The following TMEM132C variants were observed in gnomAD, a reference collection of about 807,000 sequenced individuals.
TMEM132C encodes transmembrane protein 132C.
TMEM132C carries 29 observed loss-of-function variants against 61.4 expected under a neutral mutation model. The ratio of observed to expected loss-of-function variants is 0.47; its 90% confidence interval spans 0.35 to 0.64. TMEM132C has a LOEUF of 0.64. Among genes scored for constraint, TMEM132C ranks in the 30% least tolerant of loss-of-function variants. The pLI is 0.00. For missense variants in TMEM132C, 1,408 were observed against 1,476.9 expected, an observed-to-expected ratio of 0.95 and a Z score of 0.76; for synonymous variants, 656 against 633.1, an observed-to-expected ratio of 1.04 and a Z score of -0.54.
chr12:128,686,105 T>TTGTGTGC (rs369910681), intron 5 of TMEM132C, among the ~76,000 whole-genome samples: 5,527 of 122,510 alleles, frequency 0.045, 360 homozygotes, highest in African/African-American at 0.13. Context: ...CGCATGTGTG[T>TTGTGTGC]GCATGTGTGT....
At chr12:128,291,627 G>A (rs1398646622) in intron 1 of TMEM132C, among the ~76,000 whole-genome samples, 2 of 152,196 alleles carry the variant, frequency 1.3e-5, no homozygotes, top group African/African-American at 4.8e-5. Flanking sequence ...TCAGGGATAT[G>A]CCCTGGAGCA....
intron 5 of TMEM132C, among the ~76,000 whole-genome samples, chr12:128,681,817 A>ATTTTTT (rs35154554): frequency 1.9e-4 from 16 of 86,440 alleles, no homozygotes; most frequent in African/African-American, 2.4e-4. Flanking sequence ...CCACGCCTGG[A>ATTTTTT]TTTTTTTTTT....
chr12:128,376,965 T>G (rs1874211750), intron 1 of TMEM132C, among the ~76,000 whole-genome samples: 1 of 152,182 alleles, frequency 6.6e-6, no homozygotes, highest in African/African-American at 2.4e-5. Context: ...ATCTCTCTGA[T>G]GCTGGAGGGA....
chr12:128,538,546 A>G (rs1244546367), intron 2 of TMEM132C, among the ~76,000 whole-genome samples: 1 of 152,138 alleles, frequency 6.6e-6, no homozygotes, highest in African/African-American at 2.4e-5. Context: ...GAGCCACCAA[A>G]CCCAGCCACA....
At chr12:128,411,569 T>C (rs1303155947) in intron 1 of TMEM132C, among the ~76,000 whole-genome samples, 1 of 152,180 alleles carries the variant, frequency 6.6e-6, no homozygotes, top group Non-Finnish European at 1.5e-5. Context: ...CCCTTCCTCT[T>C]TTCTGACACA....
Position 128,526,150 on chromosome 12 carries a change from T to C in TMEM132C, c.975-17807T>C, listed in dbSNP as rs921147369. 2.6e-5 allele frequency among the ~76,000 whole-genome samples: 4 copies of C among 152,178 alleles called. No individual in the cohort carries two copies. In the East Asian group the frequency reaches 5.8e-4, roughly 22 times the overall value. Reference sequence around the variant, plus strand: ...TGAGTGTGTGCCATGTGCCAGGAGCTCTTCTAGATGCCAGAAATATTGCAA... The same window carrying C: ...TGAGTGTGTGCCATGTGCCAGGAGCCCTTCTAGATGCCAGAAATATTGCAA... On this transcript the variant is annotated intron_variant, in intron 2 of 8. Transcript: ENST00000435159.
intron 2 of TMEM132C, among the ~76,000 whole-genome samples, chr12:128,536,846 C>T (rs1873552331): frequency 6.6e-6 from 1 of 152,096 alleles, no homozygotes; most frequent in East Asian, 1.9e-4. Flanking sequence ...GAGGTTCATA[C>T]ATTTGGAAAG....
At chr12:128,409,695 G>A (rs529668080) in intron 1 of TMEM132C, among the ~76,000 whole-genome samples, 45 of 152,278 alleles carry the variant, frequency 3.0e-4, no homozygotes, top group African/African-American at 1.1e-3. Flanking sequence ...AACAGATGCA[G>A]AGCCCAGAGG....
At chr12:128,445,083 T>C (rs1323997653) in intron 2 of TMEM132C, among the ~76,000 whole-genome samples, 2 of 152,018 alleles carry the variant, frequency 1.3e-5, no homozygotes, top group Non-Finnish European at 1.5e-5. Flanking sequence ...AAAAGCCTCA[T>C]ACAAAATTCT....
At chr12:128,296,430 G>A (rs368537505) in intron 1 of TMEM132C, among the ~76,000 whole-genome samples, 2 of 152,282 alleles carry the variant, frequency 1.3e-5, no homozygotes, top group African/African-American at 4.8e-5. Context: ...TTGTTCTCAT[G>A]GTCACAGGAG....
chr12:128,307,471 G>A (rs558342860), intron 1 of TMEM132C, among the ~76,000 whole-genome samples: 80 of 151,634 alleles, frequency 5.3e-4, no homozygotes, highest in East Asian at 1.9e-3. Flanking sequence ...TTAAGGACCC[G>A]TATTTTAATA....
chr12:128,665,638 CA>C (rs1954454428), intron 4 of TMEM132C, among the ~76,000 whole-genome samples: 8 of 149,194 alleles, frequency 5.4e-5, no homozygotes, highest in African/African-American at 2.0e-4. Context: ...CACACACACA[CA>C]CACACCCAGG....
At chr12:128,307,134 C>G (rs1467315917) in intron 1 of TMEM132C, among the ~76,000 whole-genome samples, 1 of 152,120 alleles carries the variant, frequency 6.6e-6, no homozygotes, top group African/African-American at 2.4e-5. Flanking sequence ...GGTTCACACA[C>G]CCACCCTTGG....
rs1872508223 is a variant in TMEM132C, at chr12:128,326,154, T to C, written c.85+58667T>C. Among the ~76,000 whole-genome samples, 1 of 152,168 alleles carries C rather than the reference T, an allele frequency of 6.6e-6. No individual in the cohort carries two copies. The highest frequency in any genetic ancestry group is 1.5e-5 in the Non-Finnish European group (1 of 68,036). ...TGAATAAATACCATTTGTCACATTT[T>C]ATTGTTTTTATGAGGGTGAGGGAAC... On this transcript the variant is annotated intron_variant, in intron 1 of 8. Transcript: ENST00000435159. This position sits in a 1 kb window ranked among gnomAD's most constrained non-coding sequence, Gnocchi z 5.6.
chr12:128,289,463 A>G (rs1208252574), intron 1 of TMEM132C, among the ~76,000 whole-genome samples: 2 of 152,238 alleles, frequency 1.3e-5, no homozygotes, highest in African/African-American at 2.4e-5. Context: ...GAATATCTTC[A>G]TTAGAGTTAA....
chr12:128,604,446 T>C (rs528712578), intron 3 of TMEM132C, among the ~76,000 whole-genome samples: 1 of 149,652 alleles, frequency 6.7e-6, no homozygotes, highest in South Asian at 2.1e-4. Context: ...GATAGATAGA[T>C]AGATAATAGA....
At chr12:128,556,538 A>G (rs935627905) in intron 3 of TMEM132C, among the ~76,000 whole-genome samples, 2 of 152,170 alleles carry the variant, frequency 1.3e-5, no homozygotes, top group Non-Finnish European at 2.9e-5. Flanking sequence ...CATGTCCCCA[A>G]CCCACAGGCT....
At chr12:128,585,340 T>C (rs1875503926) in intron 3 of TMEM132C, among the ~76,000 whole-genome samples, 1 of 151,984 alleles carries the variant, frequency 6.6e-6, no homozygotes, top group African/African-American at 2.4e-5. Flanking sequence ...AGATGTTAAA[T>C]GCCCAAAGGC....
At position 128,401,489 on chromosome 12, in the gene TMEM132C, G is replaced by C. The variant is rs796824240; in HGVS notation, c.86-13243G>C. The stretch of plus-strand genomic sequence containing the variant: ...ATTTAGAGTCACCATGGGTGTGTCA[G>C]CCACAGACGCAGACTGGTATAGCTA... On this transcript the variant is annotated intron_variant, in intron 1 of 8. Coordinates refer to ENST00000435159, the MANE Select transcript of TMEM132C (RefSeq NM_001136103.3). Among the ~76,000 whole-genome samples the C allele has an allele frequency of 1.5e-4, 23 of 152,280 alleles. 1 individual carries two copies. The highest frequency in any genetic ancestry group is 5.5e-4 in the African/African-American group (23 of 41,550).
Sources: gnomAD v4.1 joint callset for allele counts (sites outside exome capture counted in the v4.1 genomes callset) on GRCh38, gnomAD v4.1.1 for gene constraint, Gnocchi (gnomAD v3.1) non-coding constraint, MANE v1.5 for transcripts, NCBI Gene and HGNC (gene_info 2026-07-23, HGNC 2026-07-21) for gene names.